The following TXN variants were observed in gnomAD, a reference collection of about 807,000 sequenced individuals.
TXN encodes ADF.
TXN carries 10 observed loss-of-function variants against 16.5 expected under a neutral mutation model. The observed-to-expected ratio is 0.61, with a 90% CI of 0.37 to 1.03. The LOEUF is 1.03. Ranked by LOEUF, TXN falls within the 50% of genes least tolerant of loss-of-function variation. The pLI is 0.01. For missense variants in TXN, 71 were observed against 122.5 expected (o/e 0.58, Z 1.98); for synonymous variants, 35 against 39.4 (o/e 0.89, Z 0.42).
chr9:110,244,258 T>G (rs911773404), intron 4 of TXN, 39 bp from the exon 5 acceptor site: 11 of 1,251,514 alleles, frequency 8.8e-6, no homozygotes, highest in Non-Finnish European at 1.2e-5. Flanking sequence ...GACGTAGCAC[T>G]GTAGCACTGT....
intron 3 of TXN, among the ~76,000 whole-genome samples, chr9:110,247,619 T>C: frequency 6.6e-6 from 1 of 152,232 alleles, no homozygotes; most frequent in Non-Finnish European, 1.5e-5. Flanking sequence ...CTGCTTTACC[T>C]GCGGAATAGC....
At chr9:110,246,022 G>A (rs965604820) in intron 3 of TXN, among the ~76,000 whole-genome samples, 1 of 152,056 alleles carries the variant, frequency 6.6e-6, no homozygotes, top group Non-Finnish European at 1.5e-5. Flanking sequence ...CTGAGATCAT[G>A]CCACTGTATT....
At chr9:110,250,979 CTAAT>C (rs1323477961) in intron 2 of TXN, 100 bp from the exon 3 acceptor site, 13 of 849,906 alleles carry the variant, frequency 1.5e-5, no homozygotes, top group South Asian at 6.6e-5. Context: ...AAAGTAGAGA[CTAAT>C]TAAAGATCCA....
intron 1 of TXN, among the ~76,000 whole-genome samples, chr9:110,255,135 GAC>G (rs1313541932): frequency 6.6e-6 from 1 of 152,180 alleles, no homozygotes; most frequent in Non-Finnish European, 1.5e-5. Flanking sequence ...ACACATTGCA[GAC>G]ACACTTCTGT....
chr9:110,244,049 C>G lies in TXN; in HGVS notation c.*108G>C, dbSNP rs1837613692. On this transcript the variant is annotated 3_prime_UTR_variant, in exon 5 of 5. Transcript: ENST00000374517. ...AGTGTTAGCATTAATGTTTTATTGT[C>G]ACGCAGATGGCAACTGGGTTTATGT... is the stretch of plus-strand genomic sequence containing the variant. The G allele has an allele frequency of 4.2e-6, 2 of 476,198 alleles. No individual in the cohort carries two copies. Among genetic ancestry groups the G allele is most frequent in the African/African-American group, 4.1e-5 (2 of 48,726 alleles). The allele number at this position is 476,198 out of a possible 1,614,324, so 29.5% of individuals were successfully genotyped here.
chr9:110,245,132 A>C, intron 3 of TXN: 1 of 249,522 alleles, frequency 4.0e-6, no homozygotes, highest in South Asian at 5.8e-5. Flanking sequence ...CCAGCGATCC[A>C]ATATGCTCTT....
intron 1 of TXN, among the ~76,000 whole-genome samples, chr9:110,253,529 T>C (rs780816803): frequency 2.0e-4 from 30 of 152,206 alleles, no homozygotes; most frequent in Non-Finnish European, 3.7e-4. Flanking sequence ...CAATGTCTGG[T>C]TGAATAGACA....
intron 3 of TXN, among the ~76,000 whole-genome samples, chr9:110,245,628 A>AC (rs1188194432): frequency 0.039 from 810 of 20,582 alleles, 83 homozygotes; most frequent in South Asian, 0.048. Flanking sequence ...CTATATATAT[A>AC]TATATATATA....
intron 3 of TXN, among the ~76,000 whole-genome samples, chr9:110,245,595 A>G (rs867808184): frequency 1.6e-3 from 120 of 75,188 alleles, no homozygotes; most frequent in African/African-American, 5.7e-3. Flanking sequence ...GTGTGTGTGT[A>G]TATATATACA....
intron 3 of TXN, among the ~76,000 whole-genome samples, chr9:110,245,654 A>ATATATATATATATATTTTTT (rs1232332404): frequency 4.6e-5 from 1 of 21,786 alleles, no homozygotes; most frequent in African/African-American, 2.0e-4. Context: ...ATATATATAT[A>ATATATATATATATATTTTTT]TTTTTTTTTT....
intron 1 of TXN, among the ~76,000 whole-genome samples, chr9:110,252,501 ATTAT>A (rs1210561211): frequency 1.3e-5 from 2 of 152,152 alleles, no homozygotes; most frequent in African/African-American, 4.8e-5. Flanking sequence ...TTTCATAGAT[ATTAT>A]TTTTCATAAG....
At chr9:110,255,869 C>T (rs1480694842) in intron 1 of TXN, among the ~76,000 whole-genome samples, 1 of 152,232 alleles carries the variant, frequency 6.6e-6, no homozygotes, top group African/African-American at 2.4e-5. Context: ...TCACTACCCC[C>T]GCTGCGGGTG....
chr9:110,245,514 A>G (rs372103759), intron 3 of TXN, among the ~76,000 whole-genome samples: 5 of 146,322 alleles, frequency 3.4e-5, no homozygotes, highest in African/African-American at 1.3e-4. Flanking sequence ...GACTCAAGCC[A>G]TCCTCCCTCC....
At chr9:110,248,897 GA>G (rs1054937993) in intron 3 of TXN, among the ~76,000 whole-genome samples, 16 of 152,020 alleles carry the variant, frequency 1.1e-4, no homozygotes, top group African/African-American at 3.9e-4. Context: ...TGGATCACCT[GA>G]AGTCAGGAGT....
intron 1 of TXN, among the ~76,000 whole-genome samples, chr9:110,253,936 A>G (rs1837773413): frequency 6.6e-6 from 1 of 152,202 alleles, no homozygotes; most frequent in Admixed American, 6.5e-5. Context: ...CAAGAGTCTA[A>G]GATCTCGTTG....
chr9:110,247,022 G>T (rs1035435115), intron 3 of TXN, among the ~76,000 whole-genome samples: 1 of 152,100 alleles, frequency 6.6e-6, no homozygotes, highest in East Asian at 1.9e-4. Context: ...TCACTTCAAG[G>T]TTTTAAAAGA....
intron 1 of TXN, among the ~76,000 whole-genome samples, chr9:110,252,245 A>AAAAAAAG (rs199937630): frequency 5.9e-5 from 8 of 136,206 alleles, no homozygotes; most frequent in East Asian, 4.8e-4. Flanking sequence ...AAAAAAAAAA[A>AAAAAAAG]GCTATGACTT....
At chr9:110,250,957 G>A (rs915948340) in intron 2 of TXN, 78 bp from the exon 3 acceptor site, 1 of 1,049,140 alleles carries the variant, frequency 9.5e-7, no homozygotes, top group African/African-American at 1.6e-5. Flanking sequence ...CTTCTTAAAT[G>A]GAAACTTAAT....
chr9:110,246,583 A>G (rs541265321), intron 3 of TXN, among the ~76,000 whole-genome samples: 1 of 152,330 alleles, frequency 6.6e-6, no homozygotes, highest in African/African-American at 2.4e-5. Flanking sequence ...GCAAGCGAGC[A>G]GGCAGGACTG....
Sources: allele counts gnomAD v4.1 joint callset (sites outside exome capture counted in the v4.1 genomes callset), GRCh38; gene constraint gnomAD v4.1.1; transcripts MANE v1.5; gene names NCBI Gene and HGNC (gene_info 2026-07-23, HGNC 2026-07-21).